Variants in TFDP2 observed in about 807,000 individuals in gnomAD.
TFDP2 encodes the protein transcription factor Dp-2, also known as transcription factor Dp-2 (E2F dimerization partner 2).
In TFDP2, 17 loss-of-function variants were observed where a neutral mutation model predicts 59.3. The observed-to-expected ratio is 0.29, with a 90% CI of 0.20 to 0.43. The LOEUF (loss-of-function observed/expected upper bound fraction) is 0.43. Ranked by LOEUF, TFDP2 falls within the 20% of genes least tolerant of loss-of-function variation. TFDP2 has a pLI of 1.00. For missense variants in TFDP2, 391 were observed against 528.8 expected, an observed-to-expected ratio of 0.74 and a Z score of 2.56; for synonymous variants, 180 against 194.7, an observed-to-expected ratio of 0.92 and a Z score of 0.63.
At chr3:142,000,033 C>A (rs970438944) in intron 4 of TFDP2, among the ~76,000 whole-genome samples, 1 of 152,112 alleles carries the variant, frequency 6.6e-6, no homozygotes, top group African/African-American at 2.4e-5. Context: ...CCACGCCCAG[C>A]CTAATCCAAG....
intron 3 of TFDP2, among the ~76,000 whole-genome samples, chr3:142,034,468 G>C (rs1421975980): frequency 6.6e-6 from 1 of 151,970 alleles, no homozygotes; most frequent in African/African-American, 2.4e-5. Context: ...ACCACAGTTA[G>C]GCACTAGAGA....
intron 6 of TFDP2, among the ~76,000 whole-genome samples, chr3:141,988,578 C>T (rs1378262900): frequency 2.6e-5 from 4 of 152,018 alleles, no homozygotes; most frequent in Admixed American, 2.6e-4. Flanking sequence ...TGCAGCAACA[C>T]TAGACTGCTG....
chr3:142,021,407 G>A (rs1342926740), intron 3 of TFDP2, among the ~76,000 whole-genome samples: 1 of 152,152 alleles, frequency 6.6e-6, no homozygotes, highest in Non-Finnish European at 1.5e-5. Flanking sequence ...GAACTTTCAG[G>A]ATTCACCCAA....
intron 1 of TFDP2, among the ~76,000 whole-genome samples, chr3:142,105,608 G>A (rs571343184): frequency 5.3e-5 from 8 of 152,154 alleles, no homozygotes; most frequent in African/African-American, 9.6e-5. Flanking sequence ...TGTTATTCAC[G>A]TAAATAAAAT....
At chr3:142,071,583 C>A (rs748980397) in intron 3 of TFDP2, among the ~76,000 whole-genome samples, 4 of 152,162 alleles carry the variant, frequency 2.6e-5, no homozygotes, top group Non-Finnish European at 4.4e-5. Flanking sequence ...AGCTACAGTA[C>A]AGAGAATGAA....
At chr3:142,040,094 A>G (rs912182607) in intron 3 of TFDP2, among the ~76,000 whole-genome samples, 2 of 130,432 alleles carry the variant, frequency 1.5e-5, no homozygotes, top group Admixed American at 8.6e-5. Context: ...ACTAAAAATT[A>G]TAAGACATAC....
chr3:141,968,301 T>C (rs1441362458), intron 9 of TFDP2, among the ~76,000 whole-genome samples: 1 of 128,722 alleles, frequency 7.8e-6, no homozygotes, highest in Non-Finnish European at 1.6e-5. Context: ...ATATAATATA[T>C]AATATATATA....
chr3:142,068,022 G>T (rs1476289461), intron 3 of TFDP2, among the ~76,000 whole-genome samples: 1 of 130,440 alleles, frequency 7.7e-6, no homozygotes, highest in Non-Finnish European at 1.6e-5. Flanking sequence ...AAAAAAAAAA[G>T]ACTGTAACTA....
chr3:142,134,944 T>C (rs1424183522), intron 1 of TFDP2, among the ~76,000 whole-genome samples: 1 of 152,144 alleles, frequency 6.6e-6, no homozygotes, highest in Non-Finnish European at 1.5e-5. Context: ...CTTTTCTGGC[T>C]CCATATTCAA....
In TFDP2 at chr3:141,994,961, G is replaced by GA. The variant is rs1943127707; in HGVS notation, c.308+58dup. ...ACAAGAACAGAAGACAAGATAGTAA[G>GA]AAAAAAATGTCTAAACTTTTTTTAA... On this transcript the variant is annotated intron_variant, in intron 5 of 12. Transcript: ENST00000489671. The GA allele has an allele frequency of 3.5e-6, 5 of 1,417,992 alleles. No homozygotes were observed. In the African/African-American group the frequency reaches 4.4e-5, roughly 12 times the overall value. 87.8% of individuals were successfully genotyped at this position (1,417,992 alleles called of 1,614,324 possible). A position where few individuals can be genotyped will look rare whatever the true frequency, so the allele number is the denominator to read the frequency against.
intron 1 of TFDP2, among the ~76,000 whole-genome samples, chr3:142,137,589 G>A (rs1309499944): frequency 6.6e-6 from 1 of 152,114 alleles, no homozygotes; most frequent in Non-Finnish European, 1.5e-5. Context: ...TTAGCATGAA[G>A]GGCTGTTGAA....
chr3:141,961,742 A>AT (rs1446913873), intron 10 of TFDP2, among the ~76,000 whole-genome samples: 1 of 152,170 alleles, frequency 6.6e-6, no homozygotes, highest in Non-Finnish European at 1.5e-5. Context: ...AAGGAACATG[A>AT]TCTCAGAGAG....
intron 4 of TFDP2, among the ~76,000 whole-genome samples, chr3:142,003,065 C>T (rs544582889): frequency 1.4e-4 from 21 of 151,646 alleles, no homozygotes; most frequent in African/African-American, 4.6e-4. Context: ...TACAGTGCCG[C>T]GATCTCTGCT....
intron 3 of TFDP2, among the ~76,000 whole-genome samples, chr3:142,053,824 C>A (rs1408564699): frequency 1.3e-5 from 2 of 152,072 alleles, no homozygotes; most frequent in Non-Finnish European, 2.9e-5. Flanking sequence ...AAAAAATCTG[C>A]AAAAGATTTA....
intron 12 of TFDP2, 92 bp downstream of exon 12, chr3:141,952,819 C>A (rs772542980): frequency 6.5e-7 from 1 of 1,539,102 alleles, no homozygotes; most frequent in South Asian, 1.1e-5. Flanking sequence ...CTCAGCAGGA[C>A]CTGTGCTGGC....
rs1935355327 is a variant in TFDP2, at chr3:141,947,277, T to A, written c.*5236A>T. On this transcript the variant is annotated 3_prime_UTR_variant, in exon 13 of 13. Transcript: ENST00000489671. ...GGGTGCATGAATATGGGAACCCATT[T>A]GGGAAAACGGTTCTTAGAAGTCCAG... 2 of 152,208 alleles carry A rather than the reference T, an allele frequency of 1.3e-5. No homozygotes were observed. 9.4% of individuals were successfully genotyped at this position (152,208 alleles called of 1,614,324 possible). A position where few individuals can be genotyped will look rare whatever the true frequency, so the allele number is the denominator to read the frequency against.
chr3:142,003,674 A>G lies in TFDP2; in HGVS notation c.186+1767T>C, dbSNP rs1383866472. On this transcript the variant is annotated intron_variant, in intron 4 of 12. Coordinates refer to ENST00000489671, the MANE Select transcript of TFDP2 (RefSeq NM_001178139.2). Reference sequence around the variant, plus strand: ...AAAAGGACCTCAGAAGTAGGGGGACAAATTAAGTACTTGGGATGGCCCAGT... The same window carrying G: ...AAAAGGACCTCAGAAGTAGGGGGACGAATTAAGTACTTGGGATGGCCCAGT... Among the ~76,000 whole-genome samples, 5 of 152,346 alleles carry G rather than the reference A, an allele frequency of 3.3e-5. No homozygotes were observed. In the East Asian group the frequency reaches 9.6e-4, roughly 29 times the overall value.
chr3:141,953,083 T>C (rs1275431116), intron 11 of TFDP2, 67 bp from the exon 12 acceptor site: 14 of 1,152,272 alleles, frequency 1.2e-5, no homozygotes, highest in Non-Finnish European at 1.7e-5. Flanking sequence ...TGTTACAGTC[T>C]GAGGAAAGCA....
chr3:142,047,736 CTTTT>C (rs10707832), intron 3 of TFDP2, among the ~76,000 whole-genome samples: 5 of 112,468 alleles, frequency 4.4e-5, no homozygotes, highest in Non-Finnish European at 3.7e-5. Context: ...AACTAATATG[CTTTT>C]TTTTTTTTTT....
Sources: allele counts gnomAD v4.1 joint callset (sites outside exome capture counted in the v4.1 genomes callset), GRCh38; gene constraint gnomAD v4.1.1; transcripts MANE v1.5; gene names NCBI Gene and HGNC (gene_info 2026-07-23, HGNC 2026-07-21).